PCDH15: variants seen among roughly 807,000 people sequenced by gnomAD.
PCDH15 encodes the protein protocadherin-15.
A neutral mutation model predicts 178.5 loss-of-function variants in PCDH15; 129 were observed. That is an observed-to-expected ratio of 0.72 (90% CI 0.63 to 0.84). PCDH15 has a LOEUF of 0.84. PCDH15 is among the 40% of genes least tolerant of loss of function. PCDH15 has a pLI of 0.00. For synonymous variants in PCDH15, 800 were observed against 732.0 expected, an observed-to-expected ratio of 1.09 and a Z score of -1.50; for missense variants, 2,230 against 2,099.9, an observed-to-expected ratio of 1.06 and a Z score of -1.21.
At chr10:54,089,289 G>T (rs2094562470) in intron 16 of PCDH15, among the ~76,000 whole-genome samples, 1 of 152,160 alleles carries the variant, frequency 6.6e-6, no homozygotes, top group Admixed American at 6.6e-5. Flanking sequence ...TATTCCTTCT[G>T]AAAGTAAAAC....
chr10:55,148,240 T>C (rs1444673), intron 2 of PCDH15, among the ~76,000 whole-genome samples: 136,908 of 151,794 alleles, frequency 0.9, 62,426 homozygotes, highest in Non-Finnish European at 0.97. Context: ...TGGCAAAACA[T>C]TTTCGTTTGA....
rs1021632214 is a variant in PCDH15 at position 54,923,286 on chromosome 10, T to A, written c.-79-25786A>T. On this transcript the variant is annotated intron_variant, in intron 2 of 5. Coordinates refer to the PCDH15 transcript ENST00000458638. ...GTCTAGCCCATGAAACCAATTTTTT[T>A]CTCCAAGGCCTCCAGGCCTGTATTG... is the stretch of plus-strand genomic sequence containing the variant. 4.3e-5 allele frequency among the ~76,000 whole-genome samples: 6 copies of A among 138,398 alleles called. 1 individual carries two copies. The allele number at this position is 138,398 out of a possible 152,430, so 90.8% of individuals were successfully genotyped here. A position where few individuals can be genotyped will look rare whatever the true frequency, so the allele number is the denominator to read the frequency against.
chr10:55,010,402 A>G (rs961637209), intron 2 of PCDH15, among the ~76,000 whole-genome samples: 2 of 152,132 alleles, frequency 1.3e-5, no homozygotes, highest in African/African-American at 4.8e-5. Context: ...AACAATAGAG[A>G]AGCCCATCAA....
At chr10:54,257,941 G>A (rs995947765) in intron 8 of PCDH15, among the ~76,000 whole-genome samples, 1 of 151,956 alleles carries the variant, frequency 6.6e-6, no homozygotes, top group African/African-American at 2.4e-5. Flanking sequence ...CCTCTGCATG[G>A]GGCACGGCCC....
intron 2 of PCDH15, among the ~76,000 whole-genome samples, chr10:54,629,916 C>T (rs1452994258): frequency 8.6e-5 from 13 of 152,006 alleles, no homozygotes; most frequent in Admixed American, 8.5e-4. Context: ...AATCCACATA[C>T]AAAAATCAGT....
intron 3 of PCDH15, among the ~76,000 whole-genome samples, chr10:54,420,354 AG>A (rs1419915967): frequency 6.6e-6 from 1 of 152,106 alleles, no homozygotes; most frequent in Non-Finnish European, 1.5e-5. Flanking sequence ...AGAATTAGCC[AG>A]AATATTTGGG....
In PCDH15 at chr10:54,369,104, G is replaced by A; in HGVS notation, c.474+16C>T. 2 of 1,612,000 alleles carry A rather than the reference G, an allele frequency of 1.2e-6. No homozygotes were observed. The highest frequency in any genetic ancestry group is 1.1e-5 in the South Asian group (1 of 91,046). Reference sequence around the variant, plus strand: ...TATCAACAGAAAGGACAGAGAGAGAGTAAATAGAAACTGACCTCATTCACT... The same window carrying A: ...TATCAACAGAAAGGACAGAGAGAGAATAAATAGAAACTGACCTCATTCACT... On this transcript the variant is annotated intron_variant, in intron 5 of 37. Transcript: ENST00000644397.
At chr10:55,143,780 C>T (rs1298619272) in intron 2 of PCDH15, among the ~76,000 whole-genome samples, 2 of 151,300 alleles carry the variant, frequency 1.3e-5, no homozygotes, top group African/African-American at 2.4e-5. Context: ...TTGTTTTCAA[C>T]CCTGGGTCAA....
intron 2 of PCDH15, among the ~76,000 whole-genome samples, chr10:55,079,654 G>C (rs1841989335): frequency 6.6e-6 from 1 of 152,206 alleles, no homozygotes; most frequent in South Asian, 2.1e-4. Context: ...CCCCTGGACA[G>C]CTAGTGTGGC....
intron 1 of PCDH15, among the ~76,000 whole-genome samples, chr10:54,715,622 C>G (rs1487662280): frequency 2.0e-5 from 3 of 152,058 alleles, no homozygotes; most frequent in African/African-American, 7.2e-5. Flanking sequence ...AGACATATCT[C>G]CAGGCTTTTG....
intron 2 of PCDH15, among the ~76,000 whole-genome samples, chr10:55,480,165 T>C (rs1250913187): frequency 5.3e-5 from 8 of 151,680 alleles, no homozygotes; most frequent in Non-Finnish European, 3.0e-5. Context: ...GTGTCATGTA[T>C]GATTTATTTT....
chr10:54,226,771 T>A (rs1380999435), intron 9 of PCDH15, among the ~76,000 whole-genome samples: 5 of 151,970 alleles, frequency 3.3e-5, no homozygotes, highest in Admixed American at 2.0e-4. Flanking sequence ...CTAGATAGAG[T>A]GGGGATACGG....
intron 15 of PCDH15, among the ~76,000 whole-genome samples, chr10:54,127,138 A>G (rs1296151187): frequency 6.6e-6 from 1 of 152,220 alleles, no homozygotes; most frequent in Admixed American, 6.5e-5. Context: ...TAAGAAAAAC[A>G]TTTTAAGTCA....
At chr10:55,359,717 G>GGT (rs1424478642) in intron 2 of PCDH15, among the ~76,000 whole-genome samples, 14 of 106,558 alleles carry the variant, frequency 1.3e-4, no homozygotes, top group East Asian at 1.1e-3. Flanking sequence ...AAGAAAATGT[G>GGT]GTGTATATAT....
At chr10:53,822,627 A>G in intron 32 of PCDH15, 1 of 1,614,070 alleles carries the variant, frequency 6.2e-7, no homozygotes, top group Non-Finnish European at 8.5e-7. Flanking sequence ...TGAAGGAGAA[A>G]GTTCCAAGGA....
intron 1 of PCDH15, among the ~76,000 whole-genome samples, chr10:55,202,569 G>C (rs1415731172): frequency 4.6e-5 from 7 of 152,196 alleles, no homozygotes; most frequent in Admixed American, 4.6e-4. Context: ...AGGAGGTAGG[G>C]GGAGAAGGCA....
chr10:55,482,491 A>G (rs1436097924), intron 2 of PCDH15, among the ~76,000 whole-genome samples: 1 of 151,630 alleles, frequency 6.6e-6, no homozygotes, highest in Non-Finnish European at 1.5e-5. Context: ...TTCCTTTAGG[A>G]GCTCTTACAA....
chr10:54,081,434 C>T (rs1047746317), intron 16 of PCDH15, among the ~76,000 whole-genome samples: 3 of 151,956 alleles, frequency 2.0e-5, no homozygotes, highest in African/African-American at 4.8e-5. Context: ...CCATTTTAAA[C>T]ACAAACAGCT....
chr10:53,961,853 C>T lies in PCDH15; in HGVS notation c.2908G>A (p.Val970Ile), dbSNP rs138338096. The change falls in exon 22 of 38, where the codon GTA (valine) becomes ATA (isoleucine). Residue 970 changes from valine to isoleucine, a missense_variant. By Grantham distance (29) the Val-to-Ile change is conservative. Transcript: ENST00000644397. ...ATACTGGCAGGGTAAGGAAACTGTA[C>T]ATCATCTACTCTATACCTCACACGA... ...ASRVRYRVDD[V>I]QFPYPASIFE... 5.4e-5 allele frequency: 87 copies of T among 1,610,394 alleles called. No homozygotes were observed. The African/African-American group carries it at 9.6e-4, about 18-fold the overall frequency.
Sources: gnomAD v4.1 joint callset for allele counts (sites outside exome capture counted in the v4.1 genomes callset) on GRCh38, gnomAD v4.1.1 for gene constraint, MANE v1.5 for transcripts, NCBI Gene and HGNC (gene_info 2026-07-23, HGNC 2026-07-21) for gene names.